Variants in PSMA1 observed in about 807,000 individuals in gnomAD.
PSMA1 encodes the protein proteasome subunit alpha type-1.
In PSMA1, 3 loss-of-function variants were observed where a neutral mutation model predicts 38.4. The ratio of observed to expected loss-of-function variants is 0.08; its 90% confidence interval spans 0.04 to 0.20. The LOEUF (loss-of-function observed/expected upper bound fraction) is 0.20. Among genes scored for constraint, PSMA1 ranks in the 10% least tolerant of loss-of-function variants. The pLI, the probability that PSMA1 is intolerant of heterozygous loss-of-function variation, is 1.00. For missense variants in PSMA1, 227 were observed against 325.3 expected (o/e 0.70, Z 2.32); for synonymous variants, 101 against 107.1 (o/e 0.94, Z 0.35).
chr11:14,622,759 G>C (rs1170035340), intron 1 of PSMA1, among the ~76,000 whole-genome samples: 1 of 152,158 alleles, frequency 6.6e-6, no homozygotes, highest in Non-Finnish European at 1.5e-5. Context: ...AAGAGGTCCA[G>C]GCTGCACTGC....
chr11:14,607,331 C>A (rs1852654996), intron 2 of PSMA1, among the ~76,000 whole-genome samples: 1 of 152,198 alleles, frequency 6.6e-6, no homozygotes, highest in African/African-American at 2.4e-5. Context: ...GAGAAGAGAT[C>A]AGCAGACTAT....
At chr11:14,637,020 A>G (rs917475188) in intron 1 of PSMA1, among the ~76,000 whole-genome samples, 2 of 152,200 alleles carry the variant, frequency 1.3e-5, no homozygotes, top group Admixed American at 1.3e-4. Flanking sequence ...AATTAAATAC[A>G]ATAAAAATTG....
intron 1 of PSMA1, among the ~76,000 whole-genome samples, chr11:14,614,489 T>C (rs558505547): frequency 7.5e-4 from 114 of 152,304 alleles, no homozygotes; most frequent in Non-Finnish European, 1.5e-3. Flanking sequence ...CTACTGTTCA[T>C]TGCCAACTAG....
At chr11:14,566,003 G>A (rs1341815108) in intron 2 of PSMA1, among the ~76,000 whole-genome samples, 2 of 152,148 alleles carry the variant, frequency 1.3e-5, no homozygotes, top group Non-Finnish European at 2.9e-5. Context: ...CAGACAGATA[G>A]GGCAGCTGGA....
At chr11:14,594,184 AT>A (rs2134189950) in intron 2 of PSMA1, among the ~76,000 whole-genome samples, 1 of 152,244 alleles carries the variant, frequency 6.6e-6, no homozygotes, top group East Asian at 1.9e-4. Context: ...ATGTGAAGTA[AT>A]AAATGTTTCT....
intron 2 of PSMA1, among the ~76,000 whole-genome samples, chr11:14,565,667 T>G (rs745959523): frequency 1.3e-5 from 2 of 152,186 alleles, no homozygotes; most frequent in African/African-American, 2.4e-5. Context: ...TGGTATATCA[T>G]GGAGCAAAGC....
chr11:14,609,133 T>C (rs1027427368), intron 2 of PSMA1, among the ~76,000 whole-genome samples: 5 of 152,174 alleles, frequency 3.3e-5, no homozygotes, highest in Non-Finnish European at 7.4e-5. Flanking sequence ...TACTGAATTA[T>C]AAGAGTTCTA....
chr11:14,530,294 TG>T (rs1347167421), intron 2 of PSMA1, among the ~76,000 whole-genome samples: 1 of 152,176 alleles, frequency 6.6e-6, no homozygotes, highest in Non-Finnish European at 1.5e-5. Flanking sequence ...TAGAAGTAGA[TG>T]GACAGCTAAG....
At chr11:14,510,995 T>C in intron 7 of PSMA1, 44 bp from the exon 8 acceptor site, 1 of 1,301,114 alleles carries the variant, frequency 7.7e-7, no homozygotes, top group Non-Finnish European at 1.1e-6. Flanking sequence ...TTCATTGTTA[T>C]GCTAGGCTTC....
intron 2 of PSMA1, among the ~76,000 whole-genome samples, chr11:14,578,500 A>G (rs1255993682): frequency 2.6e-5 from 4 of 152,258 alleles, no homozygotes; most frequent in East Asian, 3.8e-4. Context: ...GCTAGGAAGA[A>G]GACTAACTGA....
intron 2 of PSMA1, among the ~76,000 whole-genome samples, chr11:14,541,245 A>G (rs1480712255): frequency 1.3e-5 from 2 of 152,212 alleles, no homozygotes; most frequent in African/African-American, 4.8e-5. Context: ...CTCTAGTCCT[A>G]TGCTAATAAG....
rs148835640 is a variant in PSMA1, at chr11:14,550,745, C to T, written c.22-31704G>A. On this transcript the variant is annotated intron_variant, in intron 2 of 10. Coordinates refer to the PSMA1 transcript ENST00000418988. ...GTGATGAAACTTCTTAATTTTTTTACGGGAAAATAACCTTATAATTTATTA... is the reference window on the plus strand; with the variant it reads ...GTGATGAAACTTCTTAATTTTTTTATGGGAAAATAACCTTATAATTTATTA... 1.2e-3 allele frequency among the ~76,000 whole-genome samples: 184 copies of T among 150,874 alleles called. 1 individual carries two copies. Among genetic ancestry groups the T allele is most frequent in the South Asian group, 7.1e-3 (34 of 4,786 alleles).
intron 2 of PSMA1, among the ~76,000 whole-genome samples, chr11:14,535,798 A>T (rs1046350082): frequency 1.2e-4 from 19 of 152,128 alleles, no homozygotes; most frequent in Non-Finnish European, 2.6e-4. Context: ...TATTCTAAAA[A>T]ATCCTGAAAT....
chr11:14,531,687 T>C (rs1168217051), intron 2 of PSMA1, among the ~76,000 whole-genome samples: 1 of 152,152 alleles, frequency 6.6e-6, no homozygotes, highest in Non-Finnish European at 1.5e-5. Flanking sequence ...CTTGAACTCC[T>C]GAGCTCAAGT....
chr11:14,628,543 C>T (rs10832286), intron 1 of PSMA1, among the ~76,000 whole-genome samples: 17,905 of 150,192 alleles, frequency 0.12, 1,358 homozygotes, highest in African/African-American at 0.22. Context: ...ATATGTGCCA[C>T]ATTTTCTTCA....
intron 1 of PSMA1, among the ~76,000 whole-genome samples, chr11:14,631,685 C>T (rs181670158): frequency 5.1e-4 from 78 of 152,292 alleles, no homozygotes; most frequent in Middle Eastern, 6.8e-3. Context: ...ATTAGGTCCG[C>T]TTGGTGCAGA....
chr11:14,517,607 C>G, intron 4 of PSMA1, 35 bp downstream of exon 4: 2 of 1,449,984 alleles, frequency 1.4e-6, no homozygotes, highest in Non-Finnish European at 9.3e-7. Flanking sequence ...AATTATGAAA[C>G]AAAAAGGATG....
At chr11:14,539,969 C>T (rs937253473) in intron 2 of PSMA1, among the ~76,000 whole-genome samples, 2 of 152,120 alleles carry the variant, frequency 1.3e-5, no homozygotes, top group African/African-American at 4.8e-5. Flanking sequence ...TAAAAATAGA[C>T]CTGATATCAC....
At chr11:14,535,375 A>T (rs1028039196) in intron 2 of PSMA1, among the ~76,000 whole-genome samples, 6 of 151,972 alleles carry the variant, frequency 3.9e-5, no homozygotes, top group Non-Finnish European at 5.9e-5. Flanking sequence ...ATTATTACAG[A>T]CTGTCATCTA....
Sources: allele counts gnomAD v4.1 joint callset (sites outside exome capture counted in the v4.1 genomes callset), GRCh38; gene constraint gnomAD v4.1.1; transcripts MANE v1.5; gene names NCBI Gene and HGNC (gene_info 2026-07-23, HGNC 2026-07-21).